Variants in PXDNL observed in about 807,000 individuals in gnomAD.
The protein encoded by PXDNL is probable oxidoreductase PXDNL.
PXDNL carries 145 observed loss-of-function variants against 150.8 expected under a neutral mutation model. The observed-to-expected ratio is 0.96, with a 90% CI of 0.84 to 1.10. The LOEUF (loss-of-function observed/expected upper bound fraction) is 1.10, where lower values mean the gene tolerates loss of function less well. Ranked by LOEUF, PXDNL falls within the 50% of genes least tolerant of loss-of-function variation. PXDNL has a pLI of 0.00. For synonymous variants in PXDNL, 757 were observed against 725.7 expected (o/e 1.04, Z -0.69); for missense variants, 2,087 against 1,873.9 (o/e 1.11, Z -2.10).
At position 51,356,386 on chromosome 8, in the gene PXDNL, G is replaced by A. The variant is rs185960592; in HGVS notation, c.3902-10439C>T. ...TGCCTGTAATCTCAGCTACTCAGGC[G>A]CCTGAGGCAGGAGAATCACTTGAAC... On this transcript the variant is annotated intron_variant, in intron 19 of 22. Transcript: ENST00000356297. Among the ~76,000 whole-genome samples, 663 of 152,072 alleles carry A rather than the reference G, an allele frequency of 4.4e-3. 9 individuals carry two copies. The highest frequency in any genetic ancestry group is 0.015 in the African/African-American group (615 of 41,468).
intron 17 of PXDNL, among the ~76,000 whole-genome samples, chr8:51,405,479 G>A (rs1382850214): frequency 6.6e-6 from 1 of 152,132 alleles, no homozygotes; most frequent in African/African-American, 2.4e-5. Context: ...CAGAGACAAG[G>A]GCCTCCACCC....
At chr8:51,481,843 G>T (rs1810611288) in intron 6 of PXDNL, among the ~76,000 whole-genome samples, 1 of 152,240 alleles carries the variant, frequency 6.6e-6, no homozygotes. Context: ...CCTCCACCTA[G>T]ATTTTACAGA....
intron 14 of PXDNL, among the ~76,000 whole-genome samples, chr8:51,421,501 A>G (rs1296968376): frequency 1.3e-5 from 2 of 152,158 alleles, no homozygotes; most frequent in Non-Finnish European, 2.9e-5. Flanking sequence ...GGAGTTCAAG[A>G]CAGGCCTGGC....
chr8:51,398,178 C>T (rs1014940958), intron 17 of PXDNL, among the ~76,000 whole-genome samples: 3 of 152,228 alleles, frequency 2.0e-5, no homozygotes, highest in Non-Finnish European at 2.9e-5. Context: ...AAGAGGGAAA[C>T]TCATGACAGT....
At chr8:51,515,185 G>A (rs902266201) in intron 4 of PXDNL, among the ~76,000 whole-genome samples, 13 of 152,162 alleles carry the variant, frequency 8.5e-5, no homozygotes, top group Non-Finnish European at 1.8e-4. Context: ...AGGGACAATC[G>A]GGGTGATATG....
At chr8:51,355,246 CTT>C (rs1484428533) in intron 19 of PXDNL, among the ~76,000 whole-genome samples, 1 of 152,120 alleles carries the variant, frequency 6.6e-6, no homozygotes, top group African/African-American at 2.4e-5. Context: ...AAATTAGTCT[CTT>C]ATGAAAGAAA....
At chr8:51,457,440 A>G in intron 9 of PXDNL, 58 bp downstream of exon 9, 1 of 1,344,658 alleles carries the variant, frequency 7.4e-7, no homozygotes, top group Non-Finnish European at 1.0e-6. Context: ...CTAAAGCAGC[A>G]ATATTAGATC....
At chr8:51,522,326 A>G (rs902541069) in intron 4 of PXDNL, among the ~76,000 whole-genome samples, 2 of 152,294 alleles carry the variant, frequency 1.3e-5, no homozygotes, top group African/African-American at 4.8e-5. Flanking sequence ...TCTCTGTTTT[A>G]ACTGCCATCG....
rs1586079916 is a variant in PXDNL at position 51,408,003 on chromosome 8, T to G, written c.3557+64A>C. On this transcript the variant is annotated intron_variant, in intron 17 of 22. Coordinates refer to ENST00000356297, the MANE Select transcript of PXDNL (RefSeq NM_144651.5). ...GGAACCAAATTCCAGCCACACAAAA[T>G]GACCTTTAACACTTTTACCTCTCCT... The G allele has an allele frequency of 5.0e-6, 7 of 1,405,572 alleles. No individual in the cohort carries two copies. The East Asian group carries it at 1.7e-4, about 34-fold the overall frequency. 87.1% of individuals were successfully genotyped at this position (1,405,572 alleles called of 1,614,324 possible).
intron 1 of PXDNL, among the ~76,000 whole-genome samples, chr8:51,689,805 G>A (rs901014873): frequency 2.0e-5 from 3 of 152,180 alleles, no homozygotes; most frequent in Non-Finnish European, 2.9e-5. Flanking sequence ...GAAGAATGAC[G>A]TTCCACTGAG....
intron 5 of PXDNL, among the ~76,000 whole-genome samples, chr8:51,496,958 A>G (rs1811065850): frequency 6.6e-6 from 1 of 152,184 alleles, no homozygotes; most frequent in African/African-American, 2.4e-5. Flanking sequence ...TAGAACCAAA[A>G]AAGAGCCCGG....
intron 8 of PXDNL, among the ~76,000 whole-genome samples, chr8:51,471,281 G>A (rs7816039): frequency 0.042 from 6,364 of 151,858 alleles, 428 homozygotes; most frequent in African/African-American, 0.15. Flanking sequence ...AAACTACAAC[G>A]AGATACCATC....
intron 2 of PXDNL, among the ~76,000 whole-genome samples, chr8:51,647,332 T>A (rs1019482993): frequency 6.6e-6 from 1 of 151,960 alleles, no homozygotes; most frequent in Non-Finnish European, 1.5e-5. Context: ...TACCGACACA[T>A]GACAAGAAGT....
At chr8:51,413,289 TCAAACAGACC>T in intron 14 of PXDNL, 31 bp from the exon 15 acceptor site, 2 of 1,354,024 alleles carry the variant, frequency 1.5e-6, no homozygotes. Context: ...ATTAAAAATA[TCAAACAGACC>T]TTGAAGTTAG....
intron 17 of PXDNL, among the ~76,000 whole-genome samples, chr8:51,396,458 G>C (rs1024323395): frequency 6.6e-6 from 1 of 152,146 alleles, no homozygotes; most frequent in Non-Finnish European, 1.5e-5. Context: ...CATCAATCTG[G>C]GATTTAAAAA....
intron 2 of PXDNL, among the ~76,000 whole-genome samples, chr8:51,635,792 C>A (rs890674102): frequency 6.6e-6 from 1 of 151,874 alleles, no homozygotes; most frequent in African/African-American, 2.4e-5. Flanking sequence ...GAATTAATAC[C>A]ACCTCTTCTC....
intron 16 of PXDNL, among the ~76,000 whole-genome samples, chr8:51,410,549 A>G (rs1808600725): frequency 6.6e-6 from 1 of 152,240 alleles, no homozygotes; most frequent in Non-Finnish European, 1.5e-5. Context: ...GCTCACAGAT[A>G]GGCCTTCTGC....
At chr8:51,372,218 C>T (rs908194079) in intron 18 of PXDNL, 137 bp from the exon 19 acceptor site, 4 of 623,286 alleles carry the variant, frequency 6.4e-6, no homozygotes, top group Middle Eastern at 4.3e-4. Flanking sequence ...TGTTCTCCAA[C>T]TGAGTATCCT....
In PXDNL at chr8:51,628,649, C is replaced by T. The variant is rs530967610; in HGVS notation, c.236+26040G>A. 3.3e-5 allele frequency among the ~76,000 whole-genome samples: 5 copies of T among 151,808 alleles called. No homozygotes were observed. In the East Asian group the frequency reaches 7.8e-4, roughly 24 times the overall value. On this transcript the variant is annotated intron_variant, in intron 2 of 22. Coordinates refer to ENST00000356297, the MANE Select transcript of PXDNL (RefSeq NM_144651.5). ...CGATCTCCTGACCTTGTGATCCACC[C>T]ACCTTGGCCTCTCAAAGTGCTGGGA...
Sources: gnomAD v4.1 joint callset for allele counts (sites outside exome capture counted in the v4.1 genomes callset) on GRCh38, gnomAD v4.1.1 for gene constraint, MANE v1.5 for transcripts, NCBI Gene and HGNC (gene_info 2026-07-23, HGNC 2026-07-21) for gene names.